Variants in PTPN3 observed in about 807,000 individuals in gnomAD.
PTPN3 encodes tyrosine-protein phosphatase non-receptor type 3.
A neutral mutation model predicts 132.7 loss-of-function variants in PTPN3; 96 were observed. That is an observed-to-expected ratio of 0.72 (90% confidence interval 0.61 to 0.86). PTPN3 has a LOEUF of 0.86. Ranked by LOEUF, PTPN3 falls within the 40% of genes least tolerant of loss-of-function variation. PTPN3 has a pLI of 0.00. For synonymous variants in PTPN3, 398 were observed against 429.0 expected (o/e 0.93, Z 0.89); for missense variants, 1,125 against 1,159.6 (o/e 0.97, Z 0.43).
chr9:109,395,104 C>T (rs575209094), intron 19 of PTPN3, among the ~76,000 whole-genome samples: 1 of 149,868 alleles, frequency 6.7e-6, no homozygotes, highest in East Asian at 2.0e-4. Flanking sequence ...CGCGCCACTG[C>T]ACTCCAGGCT....
intron 13 of PTPN3, among the ~76,000 whole-genome samples, chr9:109,421,613 G>C (rs1018428640): frequency 6.6e-6 from 1 of 152,236 alleles, no homozygotes; most frequent in Non-Finnish European, 1.5e-5. Context: ...TGCTGCCGAT[G>C]AGATTTTCAG....
upstream of PTPN3, among the ~76,000 whole-genome samples, chr9:109,500,637 C>T (rs1221238339): frequency 7.4e-6 from 1 of 135,506 alleles, no homozygotes; most frequent in Admixed American, 7.3e-5. Flanking sequence ...AAAAAAAAAA[C>T]CGCAGAAAAC....
intron 1 of PTPN3, among the ~76,000 whole-genome samples, chr9:109,477,364 T>G (rs142984370): frequency 2.9e-4 from 44 of 152,310 alleles, no homozygotes; most frequent in African/African-American, 9.9e-4. Flanking sequence ...CATTAGAAAC[T>G]TGAGTAATGA....
chr9:109,451,315 A>G lies in PTPN3; in HGVS notation c.369-2460T>C, dbSNP rs1040142420. The G allele has an allele frequency of 2.2e-5, 22 of 984,182 alleles. 1 individual carries two copies. The highest frequency in any genetic ancestry group is 1.0e-3 in the Middle Eastern group (2 of 1,912). The allele number at this position is 984,182 out of a possible 1,614,324, so 61.0% of individuals were successfully genotyped here. A position where few individuals can be genotyped will look rare whatever the true frequency, so the allele number is the denominator to read the frequency against. ...TCCCACCATGGCTCCTGTTGCAGTA[A>G]GATAAATCTGGTGCCCAAATCCCAG... On this transcript the variant is annotated intron_variant, in intron 5 of 25. Transcript: ENST00000374541.
chr9:109,510,576 A>AAAAT, the PTPN3 span, among the ~76,000 whole-genome samples: 5 of 47,326 alleles, frequency 1.1e-4, no homozygotes, highest in African/African-American at 1.5e-4. Flanking sequence ...AAAAAAAAAA[A>AAAAT]ATATATATAT....
At chr9:109,426,864 T>G (rs1843316653) in intron 12 of PTPN3, 86 bp downstream of exon 12, 1 of 1,416,072 alleles carries the variant, frequency 7.1e-7, no homozygotes, top group African/African-American at 1.4e-5. Flanking sequence ...TTTCCTCCTC[T>G]GCCTAACAAT....
chr9:109,406,233 A>AG (rs1156692785), intron 18 of PTPN3, among the ~76,000 whole-genome samples: 2 of 152,318 alleles, frequency 1.3e-5, no homozygotes, highest in Middle Eastern at 3.4e-3. Flanking sequence ...AAGGGGCTGC[A>AG]GGGGCGCTGT....
At position 109,422,816 on chromosome 9, in the gene PTPN3, G is replaced by A. The variant is rs373387477; in HGVS notation, c.1038C>T (p.Gly346=). 5 of 1,612,834 alleles carry A rather than the reference G, an allele frequency of 3.1e-6. No individual in the cohort carries two copies. Among genetic ancestry groups the A allele is most frequent in the Admixed American group, 1.7e-5 (1 of 59,974 alleles). The stretch of plus-strand genomic sequence containing the variant: ...GCATGGCTGGGTTCCACACCATCCC[G>A]CCAATCACCTTTTTGCAATATTGGT... ...VNNQYCKKVI[G]GMVWNPAMRR... Residue 346 remains glycine (G), a synonymous_variant, in exon 13 of 26, where the codon GGC becomes GGT. Coordinates refer to ENST00000374541, the MANE Select transcript of PTPN3 (RefSeq NM_002829.4).
chr9:109,491,876 TGA>T (rs1355099152), intron 1 of PTPN3, among the ~76,000 whole-genome samples: 1 of 152,158 alleles, frequency 6.6e-6, no homozygotes, highest in African/African-American at 2.4e-5. Flanking sequence ...CAGGAGATGC[TGA>T]GAGATCAGCT....
intron 20 of PTPN3, 41 bp downstream of exon 20, chr9:109,391,430 T>C: frequency 6.5e-7 from 1 of 1,548,042 alleles, no homozygotes; most frequent in South Asian, 1.1e-5. Flanking sequence ...AAACATTATC[T>C]CAGTGTAGGG....
At chr9:109,386,235 A>T (rs1588291711) in intron 22 of PTPN3, among the ~76,000 whole-genome samples, 1 of 152,280 alleles carries the variant, frequency 6.6e-6, no homozygotes, top group Middle Eastern at 3.4e-3. Context: ...AAGGGAGGAA[A>T]TATGCACCCT....
chr9:109,509,139 T>A, the PTPN3 span, among the ~76,000 whole-genome samples: 1 of 152,206 alleles, frequency 6.6e-6, no homozygotes, highest in African/African-American at 2.4e-5. Flanking sequence ...ACCTCCATAT[T>A]TGAGCAGAAG....
At chr9:109,483,528 T>A (rs1479009725) in intron 1 of PTPN3, among the ~76,000 whole-genome samples, 3 of 152,124 alleles carry the variant, frequency 2.0e-5, no homozygotes, top group African/African-American at 7.2e-5. Context: ...TGGGGAGTGC[T>A]AAGACAGAGG....
chr9:109,457,450 T>A, intron 2 of PTPN3, 51 bp from the exon 3 acceptor site: 1 of 1,448,076 alleles, frequency 6.9e-7, no homozygotes, highest in Non-Finnish European at 9.6e-7. Context: ...TAATTGGTGG[T>A]AAAAACATCT....
chr9:109,391,230 T>A lies in PTPN3; in HGVS notation c.2045-31A>T, dbSNP rs997713720. ...GGGAAGAGAAAAATTTACCGATTAT[T>A]CCGAGCATTATTTTTATCATACCAA... On this transcript the variant is annotated intron_variant, in intron 20 of 25. Transcript: ENST00000374541. 5.7e-6 allele frequency: 9 copies of A among 1,591,498 alleles called. 1 individual carries two copies. The highest frequency in any genetic ancestry group is 5.4e-5 in the African/African-American group (4 of 74,496).
the PTPN3 span, among the ~76,000 whole-genome samples, chr9:109,531,553 G>A: frequency 6.6e-6 from 1 of 152,010 alleles, no homozygotes; most frequent in Non-Finnish European, 1.5e-5. Flanking sequence ...AACCTCTTTG[G>A]GCTTCAGTTT....
the PTPN3 span, among the ~76,000 whole-genome samples, chr9:109,506,277 G>A: frequency 2.0e-5 from 3 of 152,310 alleles, no homozygotes; most frequent in East Asian, 5.8e-4. Flanking sequence ...TAGTGGTGAT[G>A]TTTGCTAAGA....
chr9:109,480,909 T>A (rs537869364), intron 1 of PTPN3, among the ~76,000 whole-genome samples: 1 of 152,174 alleles, frequency 6.6e-6, no homozygotes, highest in East Asian at 1.9e-4. Flanking sequence ...GATGGATGGA[T>A]GGATGGATGG....
intron 14 of PTPN3, among the ~76,000 whole-genome samples, chr9:109,415,080 ATCC>A (rs1842386127): frequency 2.1e-5 from 1 of 48,690 alleles, no homozygotes; most frequent in African/African-American, 7.0e-5. Flanking sequence ...CCATCCAACC[ATCC>A]ATCCATCCAT....
Sources: allele counts gnomAD v4.1 joint callset (sites outside exome capture counted in the v4.1 genomes callset), GRCh38; gene constraint gnomAD v4.1.1; transcripts MANE v1.5; gene names NCBI Gene and HGNC (gene_info 2026-07-23, HGNC 2026-07-21).